The following CDH12 variants were observed in gnomAD, a reference collection of about 807,000 sequenced individuals.
CDH12 encodes cadherin 12.
Under a neutral mutation model 74.1 loss-of-function variants are expected in CDH12, and 41 were observed. The observed-to-expected ratio is 0.55, with a 90% confidence interval of 0.43 to 0.72. The LOEUF (loss-of-function observed/expected upper bound fraction) is 0.72. Ranked by LOEUF, CDH12 falls within the 30% of genes least tolerant of loss-of-function variation. The pLI, the probability that CDH12 is intolerant of heterozygous loss-of-function variation, is 0.00. For synonymous variants in CDH12, 399 were observed against 355.0 expected, an observed-to-expected ratio of 1.12 and a Z score of -1.39; for missense variants, 945 against 977.2, an observed-to-expected ratio of 0.97 and a Z score of 0.44.
intron 1 of CDH12, among the ~76,000 whole-genome samples, chr5:22,546,435 C>T (rs893360816): frequency 6.6e-6 from 1 of 152,142 alleles, no homozygotes; most frequent in Non-Finnish European, 1.5e-5. Context: ...CATTTCATTT[C>T]ATAAATTTCT....
chr5:22,523,133 CTT>C (rs1737124654), intron 1 of CDH12, among the ~76,000 whole-genome samples: 1 of 152,132 alleles, frequency 6.6e-6, no homozygotes, highest in African/African-American at 2.4e-5. Context: ...CCCCTCTTGA[CTT>C]TGAAAACTCT....
intron 1 of CDH12, among the ~76,000 whole-genome samples, chr5:22,603,113 T>G (rs1561521647): frequency 6.6e-6 from 1 of 152,158 alleles, no homozygotes; most frequent in South Asian, 2.1e-4. Context: ...ATCTAGTCCA[T>G]TTTGGAAGTT....
At chr5:22,432,246 G>A (rs1388923534) in intron 2 of CDH12, among the ~76,000 whole-genome samples, 1 of 152,006 alleles carries the variant, frequency 6.6e-6, no homozygotes, top group African/African-American at 2.4e-5. Context: ...ATGCTGTATA[G>A]GTTTACAGCC....
At chr5:22,376,227 C>T (rs1741516880) in intron 3 of CDH12, among the ~76,000 whole-genome samples, 1 of 152,062 alleles carries the variant, frequency 6.6e-6, no homozygotes, top group African/African-American at 2.4e-5. Flanking sequence ...CATGTTGTCA[C>T]TCACATGTGG....
At chr5:22,083,507 T>C (rs776746624) in intron 4 of CDH12, among the ~76,000 whole-genome samples, 1 of 152,208 alleles carries the variant, frequency 6.6e-6, no homozygotes, top group South Asian at 2.1e-4. Flanking sequence ...AGGCACCAAG[T>C]ACATCTTTGT....
intron 5 of CDH12, among the ~76,000 whole-genome samples, chr5:22,066,432 C>T (rs944003313): frequency 1.3e-5 from 2 of 152,114 alleles, no homozygotes; most frequent in African/African-American, 4.8e-5. Context: ...TCTGAACTAA[C>T]ATAAATTCTG....
chr5:22,311,580 T>C (rs1028381194), intron 3 of CDH12, among the ~76,000 whole-genome samples: 2 of 151,598 alleles, frequency 1.3e-5, no homozygotes, highest in African/African-American at 2.4e-5. Flanking sequence ...CACATGCTTG[T>C]AATCCCAGCT....
At chr5:21,906,601 C>T (rs1176506890) in intron 6 of CDH12, among the ~76,000 whole-genome samples, 1 of 152,066 alleles carries the variant, frequency 6.6e-6, no homozygotes, top group Non-Finnish European at 1.5e-5. Flanking sequence ...TTTCAACTCC[C>T]AAAAGGAGAT....
rs115195816 is a variant in CDH12, at chr5:22,779,679, G to T, written c.-523+73379C>A. On this transcript the variant is annotated intron_variant, in intron 1 of 14. Transcript: ENST00000382254. The stretch of plus-strand genomic sequence containing the variant: ...CTCATGAGATCTGATGATTTTGTAA[G>T]TGTTTTACAGTTCCTCTTTTACATG... Among the ~76,000 whole-genome samples the T allele has an allele frequency of 8.0e-3, 1,218 of 152,262 alleles. 15 individuals carry two copies. Among genetic ancestry groups the T allele is most frequent in the African/African-American group, 0.028 (1,162 of 41,566 alleles).
chr5:22,622,025 G>A (rs1048775712), intron 1 of CDH12, among the ~76,000 whole-genome samples: 1 of 151,968 alleles, frequency 6.6e-6, no homozygotes, highest in Non-Finnish European at 1.5e-5. Flanking sequence ...AATAAAAATT[G>A]ATACACATTT....
chr5:22,060,998 A>G (rs1561069554), intron 5 of CDH12, among the ~76,000 whole-genome samples: 1 of 152,182 alleles, frequency 6.6e-6, no homozygotes. Context: ...ATAGTAAAAA[A>G]AATTCCTTTC....
chr5:22,524,647 G>A (rs1355621458), intron 1 of CDH12, among the ~76,000 whole-genome samples: 1 of 152,106 alleles, frequency 6.6e-6, no homozygotes, highest in Non-Finnish European at 1.5e-5. Flanking sequence ...TATCAATGTT[G>A]CAGTATCAGT....
At chr5:22,456,244 A>ATATGTGTGTG (rs1216988478) in intron 2 of CDH12, among the ~76,000 whole-genome samples, 1 of 147,286 alleles carries the variant, frequency 6.8e-6, no homozygotes, top group African/African-American at 2.5e-5. Context: ...GTCTATATAT[A>ATATGTGTGTG]TGTGTGTGTG....
At chr5:22,811,025 GTACA>G (rs1425032155) in intron 1 of CDH12, among the ~76,000 whole-genome samples, 4 of 148,934 alleles carry the variant, frequency 2.7e-5, no homozygotes, top group Non-Finnish European at 5.9e-5. Flanking sequence ...ATATACATAT[GTACA>G]TACATAAATA....
chr5:21,797,288 A>G (rs1259252436), intron 10 of CDH12, among the ~76,000 whole-genome samples: 1 of 152,152 alleles, frequency 6.6e-6, no homozygotes, highest in Non-Finnish European at 1.5e-5. Flanking sequence ...CTGTGAAAAG[A>G]CAGTTAAGCA....
intron 7 of CDH12, among the ~76,000 whole-genome samples, chr5:21,848,571 T>A (rs1163104054): frequency 6.6e-6 from 1 of 152,006 alleles, no homozygotes; most frequent in South Asian, 2.1e-4. Context: ...ACTAGTACAT[T>A]CTTGAATAAT....
chr5:22,221,480 T>C (rs189967408), intron 3 of CDH12, among the ~76,000 whole-genome samples: 7 of 152,068 alleles, frequency 4.6e-5, no homozygotes, highest in Non-Finnish European at 1.0e-4. Flanking sequence ...GTATCCACAA[T>C]ATCTTTATCA....
chr5:22,273,139 G>T (rs1736476050), intron 3 of CDH12, among the ~76,000 whole-genome samples: 1 of 152,108 alleles, frequency 6.6e-6, no homozygotes, highest in African/African-American at 2.4e-5. Context: ...ATGAGATTTG[G>T]GTGGGGACAC....
intron 1 of CDH12, among the ~76,000 whole-genome samples, chr5:22,798,920 G>C (rs1276033023): frequency 6.6e-6 from 1 of 152,028 alleles, no homozygotes; most frequent in Non-Finnish European, 1.5e-5. Flanking sequence ...TTTGAGATCA[G>C]CCTGGCCAGC....
Sources: gnomAD v4.1 joint callset for allele counts (sites outside exome capture counted in the v4.1 genomes callset) on GRCh38, gnomAD v4.1.1 for gene constraint, MANE v1.5 for transcripts, NCBI Gene and HGNC (gene_info 2026-07-23, HGNC 2026-07-21) for gene names.